DPP10: variants seen among roughly 807,000 people sequenced by gnomAD.
DPP10 encodes the protein dipeptidyl peptidase like 10, also known as inactive dipeptidyl peptidase 10.
A neutral mutation model predicts 120.9 loss-of-function variants in DPP10; 33 were observed. That is an observed-to-expected ratio of 0.27 (90% CI 0.21 to 0.37). DPP10 has a LOEUF of 0.37. Among genes scored for constraint, DPP10 ranks in the 10% least tolerant of loss-of-function variants. The pLI, the probability that DPP10 is intolerant of heterozygous loss-of-function variation, is 1.00. For missense variants in DPP10, 816 were observed against 942.8 expected, an observed-to-expected ratio of 0.87 and a Z score of 1.76; for synonymous variants, 337 against 326.1, an observed-to-expected ratio of 1.03 and a Z score of -0.36.
intron 1 of DPP10, among the ~76,000 whole-genome samples, chr2:114,864,751 C>A (rs1690089272): frequency 6.6e-6 from 1 of 152,172 alleles, no homozygotes; most frequent in Non-Finnish European, 1.5e-5. Flanking sequence ...TGTCCAACTG[C>A]ACAGTGGACC....
At chr2:114,489,570 G>T (rs1235449461) in intron 1 of DPP10, among the ~76,000 whole-genome samples, 1 of 152,166 alleles carries the variant, frequency 6.6e-6, no homozygotes, top group Non-Finnish European at 1.5e-5. Flanking sequence ...ATGAGCCTTT[G>T]TCCCATTGCG....
At chr2:114,640,434 T>C (rs565500697) in intron 1 of DPP10, among the ~76,000 whole-genome samples, 21 of 152,052 alleles carry the variant, frequency 1.4e-4, no homozygotes, top group Non-Finnish European at 2.2e-4. Context: ...TATCTACTTG[T>C]ATAGGACAAA....
intron 5 of DPP10, among the ~76,000 whole-genome samples, chr2:115,572,300 A>G (rs1167285553): frequency 6.6e-6 from 1 of 151,968 alleles, no homozygotes; most frequent in Non-Finnish European, 1.5e-5. Context: ...TTCTAAACTT[A>G]CGTCTTTTTT....
At chr2:115,536,423 A>G (rs1431663915) in intron 5 of DPP10, among the ~76,000 whole-genome samples, 2 of 151,974 alleles carry the variant, frequency 1.3e-5, no homozygotes, top group Admixed American at 6.6e-5. Context: ...TAGATAGTTG[A>G]CAGATTAGCA....
intron 24 of DPP10, among the ~76,000 whole-genome samples, chr2:115,837,771 T>C (rs1187298769): frequency 1.3e-5 from 2 of 151,274 alleles, no homozygotes; most frequent in Non-Finnish European, 2.9e-5. Context: ...GAGAAAACCA[T>C]CAGGCAGATC....
chr2:115,017,098 C>T (rs1020908374), intron 1 of DPP10, among the ~76,000 whole-genome samples: 2 of 151,012 alleles, frequency 1.3e-5, no homozygotes, highest in African/African-American at 2.4e-5. Context: ...AGGAGATATA[C>T]CTAATGCTAA....
chr2:114,847,814 A>T (rs1448762495), intron 1 of DPP10, among the ~76,000 whole-genome samples: 1 of 152,208 alleles, frequency 6.6e-6, no homozygotes, highest in African/African-American at 2.4e-5. Context: ...AAAATAAATA[A>T]TAAGACAGTG....
intron 13 of DPP10, among the ~76,000 whole-genome samples, chr2:115,771,778 G>A (rs901762364): frequency 5.9e-5 from 9 of 152,084 alleles, no homozygotes; most frequent in African/African-American, 9.7e-5. Flanking sequence ...AGTACTTGGC[G>A]CTTACCTATG....
At chr2:115,836,458 T>G (rs1176173100) in intron 22 of DPP10, 49 bp from the exon 23 acceptor site, 17 of 1,579,998 alleles carry the variant, frequency 1.1e-5, no homozygotes, top group Non-Finnish European at 1.5e-5. Context: ...AATATGCCAG[T>G]CAAATAGTTT....
At chr2:114,962,719 G>A (rs1698736288) in intron 1 of DPP10, among the ~76,000 whole-genome samples, 1 of 152,138 alleles carries the variant, frequency 6.6e-6, no homozygotes, top group Non-Finnish European at 1.5e-5. Flanking sequence ...GCACCTATTA[G>A]CATAATCTAC....
chr2:114,768,127 C>CAAAAAAAA (rs759782705), intron 1 of DPP10, among the ~76,000 whole-genome samples: 1 of 50,080 alleles, frequency 2.0e-5, no homozygotes, highest in East Asian at 6.9e-4. Flanking sequence ...GGCTCTGTCT[C>CAAAAAAAA]AAAAAAAAAA....
intron 2 of DPP10, among the ~76,000 whole-genome samples, chr2:115,333,052 G>T (rs1428587951): frequency 2.6e-5 from 4 of 152,110 alleles, no homozygotes; most frequent in Non-Finnish European, 5.9e-5. Context: ...TATTGTGTGG[G>T]AGTCTAAGTC....
intron 12 of DPP10, among the ~76,000 whole-genome samples, chr2:115,766,672 C>T (rs1403337529): frequency 6.6e-6 from 1 of 152,006 alleles, no homozygotes; most frequent in Non-Finnish European, 1.5e-5. Context: ...CTAATTGGCT[C>T]ACAGTACTGC....
chr2:114,467,021 A>G (rs1365806664), intron 1 of DPP10, among the ~76,000 whole-genome samples: 1 of 144,346 alleles, frequency 6.9e-6, no homozygotes, highest in Non-Finnish European at 1.5e-5. Flanking sequence ...AGGGCGAGAG[A>G]GGAAGACTCC....
intron 1 of DPP10, among the ~76,000 whole-genome samples, chr2:115,046,448 G>T (rs1235771950): frequency 6.6e-6 from 1 of 152,014 alleles, no homozygotes; most frequent in Admixed American, 6.6e-5. Flanking sequence ...TCTCTGCTTG[G>T]GTAAGGAAAT....
chr2:114,731,674 G>A (rs151225735), intron 1 of DPP10, among the ~76,000 whole-genome samples: 178 of 152,278 alleles, frequency 1.2e-3, no homozygotes, highest in Non-Finnish European at 1.8e-3. Context: ...ATAGGTTCAG[G>A]TGTGTTGGTC....
chr2:115,746,466 A>G (rs1381435154), intron 10 of DPP10, among the ~76,000 whole-genome samples: 2 of 152,090 alleles, frequency 1.3e-5, no homozygotes, highest in Non-Finnish European at 2.9e-5. Context: ...ACAAAAGATC[A>G]TTTTCCACTG....
chr2:114,635,729 C>G (rs1695255261), intron 1 of DPP10, among the ~76,000 whole-genome samples: 1 of 151,754 alleles, frequency 6.6e-6, no homozygotes, highest in African/African-American at 2.4e-5. Flanking sequence ...ACTCCAAAGA[C>G]TTTTTATTGA....
intron 1 of DPP10, among the ~76,000 whole-genome samples, chr2:115,299,248 T>G (rs1272403480): frequency 1.3e-5 from 2 of 152,064 alleles, no homozygotes; most frequent in Non-Finnish European, 2.9e-5. Context: ...TGGTATTGAA[T>G]GATATCACTA....
Sources: allele counts gnomAD v4.1 joint callset (sites outside exome capture counted in the v4.1 genomes callset), GRCh38; gene constraint gnomAD v4.1.1; transcripts MANE v1.5; gene names NCBI Gene and HGNC (gene_info 2026-07-23, HGNC 2026-07-21).